Variants in PCDH7 observed in about 807,000 individuals in gnomAD.
The protein encoded by PCDH7 is protocadherin-7.
In PCDH7, 17 loss-of-function variants were observed where a neutral mutation model predicts 58.9. That is an observed-to-expected ratio of 0.29 (90% CI 0.20 to 0.43). The LOEUF (loss-of-function observed/expected upper bound fraction) is 0.43. Ranked by LOEUF, PCDH7 falls within the 20% of genes least tolerant of loss-of-function variation. The pLI is 1.00. For missense variants in PCDH7, 1,274 were observed against 1,441.0 expected, an observed-to-expected ratio of 0.88 and a Z score of 1.88; for synonymous variants, 664 against 616.4, an observed-to-expected ratio of 1.08 and a Z score of -1.14.
At chr4:30,852,213 A>C (rs998252155) in intron 1 of PCDH7, among the ~76,000 whole-genome samples, 5 of 152,144 alleles carry the variant, frequency 3.3e-5, no homozygotes, top group African/African-American at 1.2e-4. Flanking sequence ...AAAATATAGA[A>C]TATCATGCTG....
intron 3 of PCDH7, among the ~76,000 whole-genome samples, chr4:31,004,264 G>T (rs1412317087): frequency 6.6e-6 from 1 of 152,006 alleles, no homozygotes; most frequent in Non-Finnish European, 1.5e-5. Flanking sequence ...GACAGAGAGA[G>T]AAATACGAAA....
chr4:30,999,659 A>G (rs1256729905), intron 3 of PCDH7, among the ~76,000 whole-genome samples: 3 of 152,148 alleles, frequency 2.0e-5, no homozygotes, highest in Admixed American at 6.6e-5. Flanking sequence ...TTACATTTTA[A>G]ATTTAAAATA....
At chr4:30,778,496 T>TA (rs1722358442) in intron 1 of PCDH7, among the ~76,000 whole-genome samples, 1 of 152,146 alleles carries the variant, frequency 6.6e-6, no homozygotes, top group East Asian at 1.9e-4. Flanking sequence ...AAGCTTGACT[T>TA]AAAGTAACTT....
Position 30,896,812 on chromosome 4 carries a change from C to T in PCDH7, c.71-23341C>T, listed in dbSNP as rs190703282. Reference sequence around the variant, plus strand: ...TTTGCAATTTGCACGTATCTTTGCACATACATGGACACCAGCCTGCTTTTG... The same window carrying T: ...TTTGCAATTTGCACGTATCTTTGCATATACATGGACACCAGCCTGCTTTTG... On this transcript the variant is annotated intron_variant, in intron 1 of 3. Transcript: ENST00000509759. 5.5e-3 allele frequency among the ~76,000 whole-genome samples: 812 copies of T among 148,330 alleles called. 30 individuals are homozygous for T. Among genetic ancestry groups the T allele is most frequent in the Admixed American group, 0.048 (701 of 14,730 alleles).
At chr4:31,141,116 T>A (rs544964386) in intron 3 of PCDH7, among the ~76,000 whole-genome samples, 1 of 152,298 alleles carries the variant, frequency 6.6e-6, no homozygotes, top group African/African-American at 2.4e-5. Context: ...GTAAAACGTC[T>A]AAAATATCCT....
At chr4:31,123,913 G>T (rs565189924) in intron 3 of PCDH7, among the ~76,000 whole-genome samples, 1 of 152,150 alleles carries the variant, frequency 6.6e-6, no homozygotes, top group African/African-American at 2.4e-5. Flanking sequence ...ATCCCCAGCC[G>T]AACTTCTCTC....
In PCDH7 at chr4:31,093,267, T is replaced by C. The variant is rs536357647; in HGVS notation, c.*8-49206T>C. Among the ~76,000 whole-genome samples the C allele has an allele frequency of 1.1e-4, 17 of 152,272 alleles. No individual in the cohort carries two copies. The South Asian group carries it at 3.3e-3, about 30-fold the overall frequency. ...AGCAAGAACATCCATTTTCATTACA[T>C]TTATTTCATTATAGTTTAAGGGGTA... On this transcript the variant is annotated intron_variant, in intron 3 of 3. Coordinates refer to the PCDH7 transcript ENST00000509759.
intron 1 of PCDH7, among the ~76,000 whole-genome samples, chr4:30,762,085 G>A (rs1194565747): frequency 6.6e-6 from 1 of 152,108 alleles, no homozygotes; most frequent in Non-Finnish European, 1.5e-5. Flanking sequence ...CAGAGATAAT[G>A]TGACTGCATT....
At chr4:31,140,380 C>T (rs1720099653) in intron 3 of PCDH7, among the ~76,000 whole-genome samples, 1 of 151,934 alleles carries the variant, frequency 6.6e-6, no homozygotes, top group African/African-American at 2.4e-5. Flanking sequence ...GTCATTTCTG[C>T]AGGGAATAAC....
intron 3 of PCDH7, among the ~76,000 whole-genome samples, chr4:31,004,099 T>A (rs1439496084): frequency 1.3e-5 from 2 of 152,158 alleles, no homozygotes; most frequent in Non-Finnish European, 2.9e-5. Flanking sequence ...ACTTCACAGC[T>A]ATTGTGACCA....
In PCDH7 at chr4:30,861,463, A is replaced by G. The variant is rs564023073; in HGVS notation, c.71-58690A>G. Among the ~76,000 whole-genome samples, 4 of 152,296 alleles carry G rather than the reference A, an allele frequency of 2.6e-5. No homozygotes were observed. In the East Asian group the frequency reaches 7.7e-4, roughly 29 times the overall value. On this transcript the variant is annotated intron_variant, in intron 1 of 3. Transcript: ENST00000509759. ...AATGTAGTTGAAAAAGCAACACAAT[A>G]ACAAAGAAATGACCTCCTTAATTGT...
At chr4:31,081,637 G>A (rs1476998957) in intron 3 of PCDH7, among the ~76,000 whole-genome samples, 3 of 152,142 alleles carry the variant, frequency 2.0e-5, no homozygotes, top group African/African-American at 4.8e-5. Flanking sequence ...GATTATGTGA[G>A]CTGATCTCAA....
intron 1 of PCDH7, among the ~76,000 whole-genome samples, chr4:30,883,233 A>G (rs549886634): frequency 1.3e-5 from 2 of 152,342 alleles, no homozygotes; most frequent in South Asian, 2.1e-4. Flanking sequence ...GAAAAAACCT[A>G]GGAACATAAA....
intron 3 of PCDH7, among the ~76,000 whole-genome samples, chr4:31,066,988 T>TA (rs1319598726): frequency 6.6e-5 from 10 of 151,972 alleles, no homozygotes; most frequent in African/African-American, 2.4e-4. Flanking sequence ...GAGAACCAGT[T>TA]ACTGATCATG....
At chr4:30,894,512 TATATACACACACACAC>T (rs1175520278) in intron 1 of PCDH7, among the ~76,000 whole-genome samples, 34 of 50,336 alleles carry the variant, frequency 6.8e-4, no homozygotes, top group East Asian at 3.0e-3. Context: ...TATATATATA[TATATACACACACACAC>T]ACACACACAC....
rs78197791 is a variant in PCDH7 at position 31,027,765 on chromosome 4, T to C, written c.*7+77550T>C. On this transcript the variant is annotated intron_variant, in intron 3 of 3. Transcript: ENST00000509759. ...CATAATATTTATATATGCTTTCCTA[T>C]ATACAAGTATATTTGACATTAAAAT... is the stretch of plus-strand genomic sequence containing the variant. 8.3e-3 allele frequency among the ~76,000 whole-genome samples: 1,270 copies of C among 152,334 alleles called. 15 individuals carry two copies. Among genetic ancestry groups the C allele is most frequent in the African/African-American group, 0.028 (1,156 of 41,582 alleles).
intron 3 of PCDH7, among the ~76,000 whole-genome samples, chr4:31,076,491 T>C (rs1578729462): frequency 6.6e-6 from 1 of 152,206 alleles, no homozygotes; most frequent in South Asian, 2.1e-4. Flanking sequence ...AAAGCAGTGG[T>C]ACTATTTAAA....
At chr4:30,737,542 G>A (rs1008338840), downstream of PCDH7, among the ~76,000 whole-genome samples, 2 of 152,112 alleles carry the variant, frequency 1.3e-5, no homozygotes, top group Non-Finnish European at 2.9e-5. Flanking sequence ...ACATATGTGT[G>A]TGTGTGTGTG....
At chr4:31,000,500 A>G (rs1249831262) in intron 3 of PCDH7, among the ~76,000 whole-genome samples, 1 of 152,040 alleles carries the variant, frequency 6.6e-6, no homozygotes, top group African/African-American at 2.4e-5. Flanking sequence ...CTGGAAAATT[A>G]TTTTCTATGT....
Sources: gnomAD v4.1 joint callset for allele counts (sites outside exome capture counted in the v4.1 genomes callset) on GRCh38, gnomAD v4.1.1 for gene constraint, MANE v1.5 for transcripts, NCBI Gene and HGNC (gene_info 2026-07-23, HGNC 2026-07-21) for gene names.